The following BBS5 variants were observed in gnomAD, a reference collection of about 807,000 sequenced individuals.
BBS5 encodes the protein BBSome complex member BBS5.
BBS5 carries 39 observed loss-of-function variants against 50.2 expected under a neutral mutation model. That is an observed-to-expected ratio of 0.78 (90% CI 0.60 to 1.01). The LOEUF (loss-of-function observed/expected upper bound fraction) is 1.01, where lower values mean the gene tolerates loss of function less well. Among genes scored for constraint, BBS5 ranks in the 50% least tolerant of loss-of-function variants. The probability of loss-of-function intolerance (pLI) is 0.00; values close to 1 mark genes in which losing one functional copy is unlikely to be tolerated. For synonymous variants in BBS5, 134 were observed against 133.1 expected, an observed-to-expected ratio of 1.01 and a Z score of -0.05; for missense variants, 356 against 401.5, an observed-to-expected ratio of 0.89 and a Z score of 0.97.
chr2:169,480,529 T>C (rs1354167134), intron 1 of BBS5, among the ~76,000 whole-genome samples: 2 of 152,070 alleles, frequency 1.3e-5, no homozygotes, highest in African/African-American at 2.4e-5. Context: ...AATGAAATAT[T>C]GATAAATTTC....
At chr2:169,487,735 TTTTTTTAG>T in intron 3 of BBS5, 63 bp from the exon 4 acceptor site, 1 of 1,149,564 alleles carries the variant, frequency 8.7e-7, no homozygotes. Context: ...GTGTATACTT[TTTTTTTAG>T]AAAAGTATTT....
intron 9 of BBS5, among the ~76,000 whole-genome samples, chr2:169,501,831 G>T (rs529382320): frequency 6.6e-6 from 1 of 152,332 alleles, no homozygotes; most frequent in East Asian, 1.9e-4. Context: ...GCACATGGGA[G>T]ATGCTTGATA....
chr2:169,484,322 T>G (rs12475414), intron 2 of BBS5, among the ~76,000 whole-genome samples: 18,036 of 152,076 alleles, frequency 0.12, 1,265 homozygotes, highest in East Asian at 0.3. Context: ...GGTTGAGGCT[T>G]CAGTAAGCCA....
chr2:169,504,332 G>A lies in BBS5; in HGVS notation c.924+6G>A, dbSNP rs1683861740. On this transcript the variant is annotated splice_donor_region_variant and intron_variant, in intron 11 of 11. Coordinates refer to ENST00000295240, the MANE Select transcript of BBS5 (RefSeq NM_152384.3). Reference sequence around the variant, plus strand: ...ATTTTGCTGATGGCAATAAGGTAAGGACATTTATTTTACCTACAGTATATG... The same window carrying A: ...ATTTTGCTGATGGCAATAAGGTAAGAACATTTATTTTACCTACAGTATATG... 8 of 1,612,350 alleles carry A rather than the reference G, an allele frequency of 5.0e-6. No individual in the cohort carries two copies. Among genetic ancestry groups the A allele is most frequent in the Non-Finnish European group, 6.8e-6 (8 of 1,178,488 alleles).
chr2:169,483,744 A>G (rs78372235), intron 2 of BBS5, among the ~76,000 whole-genome samples: 7,614 of 152,250 alleles, frequency 0.05, 225 homozygotes, highest in East Asian at 0.13. Context: ...GCTAGGGCTC[A>G]TCCTTAAAGT....
intron 5 of BBS5, among the ~76,000 whole-genome samples, chr2:169,489,851 CTTTTTT>C (rs71003093): frequency 1.5e-5 from 1 of 65,868 alleles, no homozygotes; most frequent in Non-Finnish European, 2.6e-5. Flanking sequence ...CATAAATTTC[CTTTTTT>C]TTTTTTTTTT....
chr2:169,501,149 A>G (rs536358752), intron 9 of BBS5, among the ~76,000 whole-genome samples: 5 of 152,306 alleles, frequency 3.3e-5, no homozygotes, highest in African/African-American at 1.2e-4. Flanking sequence ...TGGCCTCCTC[A>G]TCTTTTTCTC....
rs1683906528 is a variant in BBS5 at position 169,505,870 on chromosome 2, G to A, written c.*1288G>A. 1 of 157,534 alleles carries A rather than the reference G, an allele frequency of 6.3e-6. No individual in the cohort carries two copies. The highest frequency in any genetic ancestry group is 6.5e-5 in the Admixed American group (1 of 15,286). 9.8% of individuals were successfully genotyped at this position (157,534 alleles called of 1,614,324 possible). ...TCCGGCCAGCCGCCCCGTCCGGGAG[G>A]TGAGGGGCGCCTCTGCCCAGCTGCC... On this transcript the variant is annotated 3_prime_UTR_variant, in exon 12 of 12. Transcript: ENST00000295240.
chr2:169,488,537 C>T (rs1469338906), intron 5 of BBS5, among the ~76,000 whole-genome samples: 1 of 152,236 alleles, frequency 6.6e-6, no homozygotes, highest in Non-Finnish European at 1.5e-5. Flanking sequence ...GCTTTGCTTG[C>T]TCACTCACCC....
chr2:169,501,776 A>G (rs1683808451), intron 9 of BBS5, among the ~76,000 whole-genome samples: 1 of 152,300 alleles, frequency 6.6e-6, no homozygotes, highest in Non-Finnish European at 1.5e-5. Context: ...AAAAACAGAC[A>G]TAATCTTTCT....
At chr2:169,490,842 T>C (rs1326636571) in intron 5 of BBS5, among the ~76,000 whole-genome samples, 1 of 152,126 alleles carries the variant, frequency 6.6e-6, no homozygotes, top group Non-Finnish European at 1.5e-5. Flanking sequence ...CCTGATAACC[T>C]CTAACTTACT....
chr2:169,488,173 G>C, intron 5 of BBS5, 59 bp downstream of exon 5: 1 of 1,555,638 alleles, frequency 6.4e-7, no homozygotes, highest in Non-Finnish European at 8.8e-7. Context: ...GTTTTAGACT[G>C]CAACAGTCCC....
Position 169,499,607 on chromosome 2 carries a change from A to C in BBS5, c.803A>C (p.Glu268Ala). The change falls in exon 9 of 12, where the codon GAG (glutamate) becomes GCG (alanine). Residue 268 changes from glutamate (E) to alanine (A), a missense_variant. Coordinates refer to ENST00000295240, the MANE Select transcript of BBS5 (RefSeq NM_152384.3). ...AGTCCCATATTTGGAGTTGATTATGAGATGGAAGAAAAGGTAATTTGTTGA... is the reference window on the plus strand; with the variant it reads ...AGTCCCATATTTGGAGTTGATTATGCGATGGAAGAAAAGGTAATTTGTTGA... ...SASPIFGVDY[E>A]MEEKPQPLEA... 6.2e-7 allele frequency: 1 copy of C among 1,613,966 alleles called. No homozygotes were observed. The highest frequency in any genetic ancestry group is 8.5e-7 in the Non-Finnish European group (1 of 1,179,890).
chr2:169,481,958 A>G (rs1475759895), intron 1 of BBS5, among the ~76,000 whole-genome samples: 1 of 151,814 alleles, frequency 6.6e-6, no homozygotes, highest in Non-Finnish European at 1.5e-5. Context: ...TGTCCTTACC[A>G]TTTCTTATTC....
chr2:169,479,675 G>C (rs1328219633), intron 1 of BBS5, 63 bp downstream of exon 1: 1 of 1,580,910 alleles, frequency 6.3e-7, no homozygotes, highest in African/African-American at 1.3e-5. Context: ...TGCGCGTTAG[G>C]GACCCGCGGG....
chr2:169,489,176 TAGAGCCAGAC>T, intron 5 of BBS5, among the ~76,000 whole-genome samples: 1 of 152,094 alleles, frequency 6.6e-6, no homozygotes. Context: ...AATGTTTTTG[TAGAGCCAGAC>T]GTGGTGGCGC....
At chr2:169,494,325 T>C (rs1401074381) in intron 7 of BBS5, among the ~76,000 whole-genome samples, 1 of 152,192 alleles carries the variant, frequency 6.6e-6, no homozygotes, top group Non-Finnish European at 1.5e-5. Context: ...TGTATTTAGA[T>C]ACAGAATGTA....
intron 1 of BBS5, among the ~76,000 whole-genome samples, 176 bp from the exon 2 acceptor site, chr2:169,482,075 A>AG (rs1683407295): frequency 4.1e-5 from 1 of 24,402 alleles, no homozygotes; most frequent in Middle Eastern, 0.038. Context: ...TCCAGGCCCC[A>AG]CTGATCTTCA....
At chr2:169,496,496 G>T (rs888770667) in intron 7 of BBS5, among the ~76,000 whole-genome samples, 10 of 152,116 alleles carry the variant, frequency 6.6e-5, no homozygotes, top group Non-Finnish European at 1.5e-4. Context: ...AGCACTTTGG[G>T]AGGCCTAGGT....
Sources: gnomAD v4.1 joint callset for allele counts (sites outside exome capture counted in the v4.1 genomes callset) on GRCh38, gnomAD v4.1.1 for gene constraint, MANE v1.5 for transcripts, NCBI Gene and HGNC (gene_info 2026-07-23, HGNC 2026-07-21) for gene names.